CCDC178: variants seen among roughly 807,000 people sequenced by gnomAD.
CCDC178 encodes coiled-coil domain-containing protein 178.
Under a neutral mutation model 117.4 loss-of-function variants are expected in CCDC178, and 126 were observed. That is an observed-to-expected ratio of 1.07 (90% CI 0.93 to 1.24). CCDC178 has a LOEUF of 1.24. CCDC178 is among the 50% of genes most tolerant of loss of function. The pLI is 0.00. For synonymous variants in CCDC178, 283 were observed against 313.4 expected (o/e 0.90, Z 1.02); for missense variants, 1,030 against 986.9 (o/e 1.04, Z -0.59).
At chr18:33,396,040 G>GTT (rs957311038) in intron 4 of CCDC178, among the ~76,000 whole-genome samples, 11 of 152,092 alleles carry the variant, frequency 7.2e-5, no homozygotes, top group African/African-American at 2.6e-4. Flanking sequence ...AAAAAAATTA[G>GTT]TTAACATATG....
At chr18:33,298,409 T>C (rs561862463) in intron 11 of CCDC178, among the ~76,000 whole-genome samples, 4 of 152,190 alleles carry the variant, frequency 2.6e-5, no homozygotes, top group African/African-American at 9.7e-5. Flanking sequence ...AAGTAAAGTA[T>C]GTGATAAAAT....
At chr18:33,165,166 A>G (rs1001478870) in intron 20 of CCDC178, among the ~76,000 whole-genome samples, 2 of 152,154 alleles carry the variant, frequency 1.3e-5, no homozygotes, top group Non-Finnish European at 2.9e-5. Flanking sequence ...GACAATGCAA[A>G]AATAATATGA....
intron 20 of CCDC178, among the ~76,000 whole-genome samples, chr18:33,129,737 A>G (rs1243315681): frequency 5.9e-5 from 9 of 151,976 alleles, no homozygotes; most frequent in Non-Finnish European, 1.2e-4. Context: ...CCATTATGTG[A>G]TCTATAATGC....
intron 20 of CCDC178, among the ~76,000 whole-genome samples, chr18:33,144,327 T>C (rs886748433): frequency 1.8e-4 from 28 of 152,142 alleles, no homozygotes; most frequent in African/African-American, 6.5e-4. Context: ...AAATTTGTCC[T>C]ATTTTACATA....
At chr18:33,207,265 T>C (rs2059054955) in intron 20 of CCDC178, among the ~76,000 whole-genome samples, 1 of 152,034 alleles carries the variant, frequency 6.6e-6, no homozygotes, top group Non-Finnish European at 1.5e-5. Context: ...TCCAATATCT[T>C]TAAAAAAGTA....
At chr18:33,220,502 A>G (rs1434143372) in intron 18 of CCDC178, among the ~76,000 whole-genome samples, 1 of 152,054 alleles carries the variant, frequency 6.6e-6, no homozygotes, top group Non-Finnish European at 1.5e-5. Flanking sequence ...ATGAGATTTT[A>G]CTATACATAG....
At chr18:32,939,653 C>T (rs776691703) in intron 22 of CCDC178, among the ~76,000 whole-genome samples, 12 of 152,042 alleles carry the variant, frequency 7.9e-5, no homozygotes, top group Non-Finnish European at 1.5e-4. Context: ...GAGCCTTGAT[C>T]CTTGAAGTAA....
chr18:33,109,506 T>G (rs2057752643), intron 20 of CCDC178, among the ~76,000 whole-genome samples: 1 of 151,634 alleles, frequency 6.6e-6, no homozygotes, highest in Non-Finnish European at 1.5e-5. Flanking sequence ...TTTAAAAACT[T>G]TATTCTTAAG....
chr18:33,293,290 T>A lies in CCDC178; in HGVS notation c.1045A>T (p.Ser349Cys). The A allele has an allele frequency of 6.6e-7, 1 of 1,520,380 alleles. No homozygotes were observed. Among genetic ancestry groups the A allele is most frequent in the Non-Finnish European group, 9.1e-7 (1 of 1,103,640 alleles). 94.2% of individuals were successfully genotyped at this position (1,520,380 alleles called of 1,614,324 possible). ...GATGAAGAGTAATGATCAAATAGAC[T>A]GTTAAGTTGATATATCTCTCTCCTA... ...AYKREIYQLN[S>C]LFDHYSSSVI... is the part of the protein sequence containing the mutation. The change falls in exon 12 of 23, where the codon AGT becomes TGT. Residue 349 changes from serine to cysteine, a missense_variant. Ser to Cys is a moderately radical substitution (Grantham distance 112). Coordinates refer to ENST00000383096, the MANE Select transcript of CCDC178 (RefSeq NM_001105528.4).
chr18:33,188,247 T>A (rs745601976), intron 20 of CCDC178, among the ~76,000 whole-genome samples: 1 of 152,226 alleles, frequency 6.6e-6, no homozygotes, highest in East Asian at 1.9e-4. Flanking sequence ...AAATCAGCAA[T>A]CAGTATAGGG....
intron 5 of CCDC178, among the ~76,000 whole-genome samples, chr18:33,383,481 G>T (rs535967340): frequency 6.6e-6 from 1 of 150,622 alleles, no homozygotes; most frequent in South Asian, 2.1e-4. Context: ...GTGGCATCAG[G>T]TCAGTGCCCC....
At chr18:33,375,015 TAC>T (rs2063345723) in intron 5 of CCDC178, among the ~76,000 whole-genome samples, 1 of 152,192 alleles carries the variant, frequency 6.6e-6, no homozygotes, top group Non-Finnish European at 1.5e-5. Flanking sequence ...GAAATTTCTA[TAC>T]AGTGTTTGGG....
intron 12 of CCDC178, among the ~76,000 whole-genome samples, chr18:33,281,021 G>A (rs1024112248): frequency 1.2e-4 from 19 of 152,028 alleles, no homozygotes; most frequent in Non-Finnish European, 2.2e-4. Context: ...GTTAATGGGT[G>A]CAGCACACCA....
At chr18:32,952,935 G>T (rs544404545) in intron 22 of CCDC178, among the ~76,000 whole-genome samples, 4 of 151,990 alleles carry the variant, frequency 2.6e-5, no homozygotes, top group African/African-American at 9.7e-5. Flanking sequence ...ACCATGCCTG[G>T]CTAATTTTTT....
At chr18:33,175,912 T>C (rs768326749) in intron 20 of CCDC178, among the ~76,000 whole-genome samples, 3 of 152,162 alleles carry the variant, frequency 2.0e-5, no homozygotes, top group African/African-American at 7.2e-5. Flanking sequence ...GAACCTCTGT[T>C]CTCTGATCAA....
At chr18:33,316,540 G>T (rs1000298728) in intron 11 of CCDC178, among the ~76,000 whole-genome samples, 8 of 152,034 alleles carry the variant, frequency 5.3e-5, no homozygotes, top group Non-Finnish European at 7.4e-5. Context: ...GATGGCGCCC[G>T]GAGAGCAGGT....
At chr18:33,336,786 AT>A (rs1326252560) in intron 9 of CCDC178, among the ~76,000 whole-genome samples, 2 of 152,036 alleles carry the variant, frequency 1.3e-5, no homozygotes, top group Non-Finnish European at 2.9e-5. Flanking sequence ...CATTAAAAAA[AT>A]GTTTCTATGG....
intron 12 of CCDC178, among the ~76,000 whole-genome samples, chr18:33,289,927 T>A (rs1205552211): frequency 6.6e-6 from 1 of 152,074 alleles, no homozygotes; most frequent in Non-Finnish European, 1.5e-5. Flanking sequence ...TCCACAAACT[T>A]TATTAATAAT....
chr18:33,276,792 A>G (rs914538989), intron 12 of CCDC178, among the ~76,000 whole-genome samples: 3 of 152,260 alleles, frequency 2.0e-5, no homozygotes, highest in African/African-American at 4.8e-5. Context: ...TATTCCAACA[A>G]TTCAAGGTTC....
Sources: allele counts gnomAD v4.1 joint callset (sites outside exome capture counted in the v4.1 genomes callset), GRCh38; gene constraint gnomAD v4.1.1; transcripts MANE v1.5; gene names NCBI Gene and HGNC (gene_info 2026-07-23, HGNC 2026-07-21).